DAAM1: variants seen among roughly 807,000 people sequenced by gnomAD.
DAAM1 encodes disheveled-associated activator of morphogenesis 1.
In DAAM1, 52 loss-of-function variants were observed where a neutral mutation model predicts 130.0. The ratio of observed to expected loss-of-function variants is 0.40; its 90% CI spans 0.32 to 0.50. The LOEUF (loss-of-function observed/expected upper bound fraction) is 0.50, where lower values mean the gene tolerates loss of function less well. Among genes scored for constraint, DAAM1 ranks in the 20% least tolerant of loss-of-function variants. DAAM1 has a pLI of 0.61. For synonymous variants in DAAM1, 452 were observed against 444.5 expected, an observed-to-expected ratio of 1.02 and a Z score of -0.21; for missense variants, 1,134 against 1,303.8, an observed-to-expected ratio of 0.87 and a Z score of 2.01.
intron 2 of DAAM1, among the ~76,000 whole-genome samples, chr14:59,276,962 T>G (rs1882997447): frequency 1.3e-5 from 2 of 152,202 alleles, no homozygotes; most frequent in African/African-American, 2.4e-5. Context: ...TATATTTGTA[T>G]GTATGTAAAG....
chr14:59,299,214 A>AT (rs906060583), intron 3 of DAAM1, among the ~76,000 whole-genome samples: 2 of 152,144 alleles, frequency 1.3e-5, no homozygotes, highest in African/African-American at 4.8e-5. Flanking sequence ...GTGTAATACA[A>AT]TTTTTTCTAA....
chr14:59,268,728 G>A (rs538838465), intron 2 of DAAM1, among the ~76,000 whole-genome samples: 76 of 152,136 alleles, frequency 5.0e-4, no homozygotes, highest in African/African-American at 1.8e-3. Flanking sequence ...TATACCTTTC[G>A]AGAATCAATT....
At chr14:59,268,262 G>C (rs925037821) in intron 2 of DAAM1, among the ~76,000 whole-genome samples, 10 of 152,140 alleles carry the variant, frequency 6.6e-5, no homozygotes, top group Admixed American at 5.9e-4. Flanking sequence ...CATTTGGGCT[G>C]TTGCCAGTTT....
At chr14:59,196,023 A>T (rs557140210) in intron 1 of DAAM1, among the ~76,000 whole-genome samples, 1 of 152,196 alleles carries the variant, frequency 6.6e-6, no homozygotes, top group Non-Finnish European at 1.5e-5. Flanking sequence ...TGTAAGTGAG[A>T]GGCAAGACTG....
chr14:59,217,302 A>G (rs747965886), intron 1 of DAAM1, among the ~76,000 whole-genome samples: 1 of 152,178 alleles, frequency 6.6e-6, no homozygotes. Context: ...ATCAAGCACC[A>G]TCACCATAAC....
intron 23 of DAAM1, 79 bp downstream of exon 23, chr14:59,363,861 C>T (rs747656606): frequency 1.6e-5 from 25 of 1,567,568 alleles, no homozygotes; most frequent in African/African-American, 6.8e-5. Flanking sequence ...TTATTCTGTA[C>T]GGGAAATAGC....
At chr14:59,189,047 C>G (rs905919985) in intron 1 of DAAM1, among the ~76,000 whole-genome samples, 2 of 152,332 alleles carry the variant, frequency 1.3e-5, no homozygotes, top group African/African-American at 2.4e-5. Flanking sequence ...GAAGACGCCC[C>G]CAAGGACTGG....
Position 59,323,030 on chromosome 14 carries a change from A to C in DAAM1, c.579A>C (p.Gln193His). Residue 193 changes from glutamine to histidine, a missense_variant, in exon 6 of 25, where the codon CAA becomes CAC. Transcript: ENST00000360909. ...TAAAGGCGTTAATGAACAACTCTCA[A>C]GGCCGGGCTCACGTCCTGGCTCATT... ...GCIKALMNNS[Q>H]GRAHVLAHSE... The C allele has an allele frequency of 6.2e-7, 1 of 1,614,134 alleles. No individual in the cohort carries two copies. Among genetic ancestry groups the C allele is most frequent in the Non-Finnish European group, 8.5e-7 (1 of 1,180,018 alleles).
At chr14:59,243,396 C>G (rs932397173) in intron 1 of DAAM1, among the ~76,000 whole-genome samples, 65 of 152,282 alleles carry the variant, frequency 4.3e-4, no homozygotes, top group African/African-American at 1.5e-3. Flanking sequence ...CAGCCTGAGT[C>G]TAGGACCCTT....
intron 17 of DAAM1, among the ~76,000 whole-genome samples, chr14:59,351,013 C>A (rs578261664): frequency 6.6e-6 from 1 of 152,262 alleles, no homozygotes; most frequent in Non-Finnish European, 1.5e-5. Flanking sequence ...TACTTGCTTC[C>A]ATGCAAACAT....
chr14:59,335,642 C>T (rs1885598121), intron 15 of DAAM1, among the ~76,000 whole-genome samples: 1 of 152,112 alleles, frequency 6.6e-6, no homozygotes, highest in Admixed American at 6.5e-5. Flanking sequence ...AGTTCACTAT[C>T]TCTTCCTTCC....
chr14:59,279,375 T>C (rs946361375), intron 2 of DAAM1, among the ~76,000 whole-genome samples: 3 of 152,170 alleles, frequency 2.0e-5, no homozygotes, highest in Non-Finnish European at 2.9e-5. Context: ...AAATGAAAAA[T>C]CTCCTGAAAT....
intron 23 of DAAM1, among the ~76,000 whole-genome samples, chr14:59,364,286 C>T (rs10083469): frequency 0.65 from 98,124 of 152,042 alleles, 32,118 homozygotes; most frequent in East Asian, 0.85. Context: ...CAGCAGAACT[C>T]GCTAAAAGAG....
At chr14:59,306,858 A>G (rs1254209256) in intron 3 of DAAM1, among the ~76,000 whole-genome samples, 1 of 152,084 alleles carries the variant, frequency 6.6e-6, no homozygotes, top group African/African-American at 2.4e-5. Flanking sequence ...ACAGATAGAA[A>G]CCATACCATG....
intron 16 of DAAM1, among the ~76,000 whole-genome samples, chr14:59,346,661 C>G (rs1476068430): frequency 1.3e-5 from 2 of 152,092 alleles, no homozygotes; most frequent in African/African-American, 4.8e-5. Context: ...GAGTGAGTCT[C>G]TTGTTGCAGC....
At chr14:59,214,768 C>T (rs1477821975) in intron 1 of DAAM1, among the ~76,000 whole-genome samples, 2 of 152,112 alleles carry the variant, frequency 1.3e-5, no homozygotes, top group African/African-American at 4.8e-5. Flanking sequence ...GTTGTTTCTA[C>T]TCTTCAGCTA....
chr14:59,242,016 A>G (rs996034041), intron 1 of DAAM1, among the ~76,000 whole-genome samples: 5 of 152,132 alleles, frequency 3.3e-5, no homozygotes, highest in Non-Finnish European at 5.9e-5. Context: ...ATTATCTTTT[A>G]TTTCATTAGG....
intron 2 of DAAM1, among the ~76,000 whole-genome samples, chr14:59,270,782 A>G (rs1349635079): frequency 3.9e-5 from 6 of 152,188 alleles, no homozygotes; most frequent in Non-Finnish European, 7.3e-5. Context: ...CAACAGTGGT[A>G]TTGGAACTGG....
At chr14:59,254,821 G>T (rs56924753) in intron 1 of DAAM1, among the ~76,000 whole-genome samples, 9,230 of 152,290 alleles carry the variant, frequency 0.061, 936 homozygotes, top group African/African-American at 0.21. Context: ...AGCTTTTTAG[G>T]ATCAAAACTT....
Sources: gnomAD v4.1 joint callset for allele counts (sites outside exome capture counted in the v4.1 genomes callset) on GRCh38, gnomAD v4.1.1 for gene constraint, MANE v1.5 for transcripts, NCBI Gene and HGNC (gene_info 2026-07-23, HGNC 2026-07-21) for gene names.